Variants in IQCM observed in about 807,000 individuals in gnomAD.
The protein encoded by IQCM is IQ domain-containing protein M.
A neutral mutation model predicts 57.6 loss-of-function variants in IQCM; 45 were observed. That is an observed-to-expected ratio of 0.78 (90% CI 0.62 to 1.00). The LOEUF (loss-of-function observed/expected upper bound fraction) is 1.00. IQCM is among the 50% of genes least tolerant of loss of function. IQCM has a pLI of 0.00. For synonymous variants in IQCM, 148 were observed against 158.9 expected (o/e 0.93, Z 0.51); for missense variants, 468 against 511.6 (o/e 0.91, Z 0.82).
intron 7 of IQCM, among the ~76,000 whole-genome samples, chr4:149,628,383 A>T (rs1431309745): frequency 6.6e-6 from 1 of 152,162 alleles, no homozygotes; most frequent in Non-Finnish European, 1.5e-5. Context: ...GGGAAGAAAT[A>T]CAAAGAAACC....
intron 9 of IQCM, among the ~76,000 whole-genome samples, chr4:149,565,431 C>A (rs1750529260): frequency 6.6e-6 from 1 of 152,122 alleles, no homozygotes; most frequent in African/African-American, 2.4e-5. Context: ...GGCAGGAAAT[C>A]CCAGTTCTGT....
intron 13 of IQCM, among the ~76,000 whole-genome samples, chr4:149,394,376 T>A (rs2111100208): frequency 6.6e-6 from 1 of 152,160 alleles, no homozygotes; most frequent in South Asian, 2.1e-4. Context: ...TCCCAATTTT[T>A]AAAAATCTGT....
chr4:149,470,247 C>G (rs1171588000), intron 12 of IQCM, among the ~76,000 whole-genome samples: 1 of 151,048 alleles, frequency 6.6e-6, no homozygotes, highest in African/African-American at 2.4e-5. Flanking sequence ...TGCAGAGACA[C>G]ACATAGGCTC....
rs184335246 is a variant in IQCM, at chr4:149,642,321, A to G, written c.566-21077T>C. The stretch of plus-strand genomic sequence containing the variant: ...AACATTGCATATATATAGCCACTGT[A>G]TTTCCCAGTGGACACAGCTTAGCAC... On this transcript the variant is annotated intron_variant, in intron 7 of 13. Transcript: ENST00000636793. Among the ~76,000 whole-genome samples the G allele has an allele frequency of 3.9e-5, 6 of 152,260 alleles. No homozygotes were observed. The East Asian group carries it at 1.2e-3, about 29-fold the overall frequency.
intron 10 of IQCM, among the ~76,000 whole-genome samples, chr4:149,557,428 AT>A (rs1749696545): frequency 6.6e-6 from 1 of 152,182 alleles, no homozygotes; most frequent in Admixed American, 6.5e-5. Context: ...ACTAAAGAAA[AT>A]TATACAACCT....
chr4:149,486,087 C>G (rs1173959805), intron 12 of IQCM, among the ~76,000 whole-genome samples: 2 of 148,690 alleles, frequency 1.3e-5, no homozygotes, highest in Admixed American at 1.4e-4. Context: ...TCTGAGCCAC[C>G]TGATGCTGGA....
intron 12 of IQCM, among the ~76,000 whole-genome samples, chr4:149,488,830 A>G (rs1364712011): frequency 6.6e-6 from 1 of 152,202 alleles, no homozygotes; most frequent in East Asian, 1.9e-4. Context: ...TAGACACTTC[A>G]TCTCAAAAGG....
At chr4:149,626,378 T>C (rs1308228474) in intron 7 of IQCM, among the ~76,000 whole-genome samples, 2 of 148,362 alleles carry the variant, frequency 1.3e-5, no homozygotes, top group African/African-American at 5.0e-5. Flanking sequence ...ATTGTGTTAG[T>C]TATACTTAAT....
At chr4:149,707,919 G>C (rs1040180345) in intron 5 of IQCM, among the ~76,000 whole-genome samples, 1 of 151,808 alleles carries the variant, frequency 6.6e-6, no homozygotes, top group African/African-American at 2.4e-5. Flanking sequence ...ATCTTTTCTT[G>C]GTAGAATAAT....
intron 10 of IQCM, among the ~76,000 whole-genome samples, chr4:149,559,807 C>A (rs1445989712): frequency 2.0e-5 from 3 of 152,144 alleles, no homozygotes; most frequent in African/African-American, 7.2e-5. Context: ...TGGTCTGTGG[C>A]CTGTTGGGAA....
intron 12 of IQCM, among the ~76,000 whole-genome samples, chr4:149,439,081 A>G (rs1735651302): frequency 6.6e-6 from 1 of 152,074 alleles, no homozygotes. Flanking sequence ...AAATTTTGCC[A>G]GAATATTCTT....
chr4:149,644,138 C>T (rs1284421124), intron 7 of IQCM, among the ~76,000 whole-genome samples: 1 of 152,144 alleles, frequency 6.6e-6, no homozygotes, highest in Non-Finnish European at 1.5e-5. Flanking sequence ...AAAATAGATG[C>T]TCAGCATCTC....
chr4:149,403,900 T>C (rs1168509860), intron 13 of IQCM, among the ~76,000 whole-genome samples: 1 of 152,084 alleles, frequency 6.6e-6, no homozygotes, highest in Non-Finnish European at 1.5e-5. Flanking sequence ...CACAACCATA[T>C]AGCAGAATTA....
At chr4:149,466,978 C>T (rs1738922313) in intron 12 of IQCM, among the ~76,000 whole-genome samples, 1 of 152,144 alleles carries the variant, frequency 6.6e-6, no homozygotes, top group Admixed American at 6.5e-5. Context: ...GCCCTCATGA[C>T]CTAATTACTT....
intron 5 of IQCM, among the ~76,000 whole-genome samples, chr4:149,720,466 A>G (rs1162476485): frequency 6.6e-6 from 1 of 152,188 alleles, no homozygotes; most frequent in Admixed American, 6.5e-5. Flanking sequence ...CTCAGAAGCA[A>G]CAAGTCTCCT....
intron 7 of IQCM, among the ~76,000 whole-genome samples, chr4:149,631,216 C>T (rs1757235508): frequency 6.6e-6 from 1 of 152,150 alleles, no homozygotes; most frequent in Non-Finnish European, 1.5e-5. Context: ...TTTCTGACTC[C>T]ACTGGGAGAG....
intron 13 of IQCM, among the ~76,000 whole-genome samples, chr4:149,367,696 T>C (rs1303842752): frequency 1.3e-5 from 2 of 152,046 alleles, no homozygotes; most frequent in Non-Finnish European, 1.5e-5. Context: ...CAAAAGTATA[T>C]ATCATATTAA....
rs907750291 is a variant in IQCM at position 149,721,414 on chromosome 4, T to C, written c.385+11830A>G. On this transcript the variant is annotated intron_variant, in intron 5 of 13. Coordinates refer to ENST00000636793, the MANE Select transcript of IQCM (RefSeq NM_001363507.2). ...CCCAAATAGTGTACATGGTAATCCA[T>C]AGGTAGTTTTTCATTCTTTAGACCT... Among the ~76,000 whole-genome samples, 5 of 152,040 alleles carry C rather than the reference T, an allele frequency of 3.3e-5. No homozygotes were observed. The South Asian group carries it at 1.0e-3, about 32-fold the overall frequency.
At chr4:149,369,075 C>T (rs71622754) in intron 13 of IQCM, among the ~76,000 whole-genome samples, 4,444 of 79,112 alleles carry the variant, frequency 0.056, 410 homozygotes, top group Non-Finnish European at 0.064. Context: ...GATGGAGTCT[C>T]GCTCTGTCAC....
Sources: allele counts gnomAD v4.1 joint callset (sites outside exome capture counted in the v4.1 genomes callset), GRCh38; gene constraint gnomAD v4.1.1; transcripts MANE v1.5; gene names NCBI Gene and HGNC (gene_info 2026-07-23, HGNC 2026-07-21).